The following PAPPA2 variants were observed in gnomAD, a reference collection of about 807,000 sequenced individuals.
PAPPA2 encodes pappalysin-2.
In PAPPA2, 86 loss-of-function variants were observed where a neutral mutation model predicts 176.4. The ratio of observed to expected loss-of-function variants is 0.49; its 90% CI spans 0.41 to 0.58. The LOEUF is 0.58. Among genes scored for constraint, PAPPA2 ranks in the 20% least tolerant of loss-of-function variants. The probability of loss-of-function intolerance (pLI) is 0.00; values close to 1 mark genes in which losing one functional copy is unlikely to be tolerated. For missense variants in PAPPA2, 2,073 were observed against 2,256.9 expected (o/e 0.92, Z 1.65); for synonymous variants, 809 against 852.2 (o/e 0.95, Z 0.88).
intron 3 of PAPPA2, among the ~76,000 whole-genome samples, chr1:176,617,695 T>G (rs1193537726): frequency 2.0e-5 from 3 of 152,164 alleles, no homozygotes; most frequent in African/African-American, 7.2e-5. Context: ...CATTGGCTGA[T>G]GAACATTTAG....
intron 7 of PAPPA2, among the ~76,000 whole-genome samples, chr1:176,697,019 T>G (rs984215739): frequency 6.6e-6 from 1 of 152,178 alleles, no homozygotes; most frequent in Non-Finnish European, 1.5e-5. Flanking sequence ...AACAGAGATT[T>G]GCATTTCATA....
intron 3 of PAPPA2, among the ~76,000 whole-genome samples, chr1:176,666,587 G>A (rs908470417): frequency 2.2e-4 from 33 of 149,492 alleles, no homozygotes; most frequent in African/African-American, 8.0e-4. Flanking sequence ...GTGTGTGTGT[G>A]TGTGTGTGTG....
chr1:176,488,448 G>C (rs916754647), intron 1 of PAPPA2, among the ~76,000 whole-genome samples: 2 of 152,112 alleles, frequency 1.3e-5, no homozygotes, highest in Non-Finnish European at 2.9e-5. Flanking sequence ...GGTGGAGAGG[G>C]TGTACAAGAG....
chr1:176,540,076 C>G (rs958703138), intron 1 of PAPPA2, among the ~76,000 whole-genome samples: 1 of 152,162 alleles, frequency 6.6e-6, no homozygotes, highest in Non-Finnish European at 1.5e-5. Flanking sequence ...TTGCTTCTCT[C>G]TAGGAATTTC....
At chr1:176,544,073 C>T (rs1278618892) in intron 1 of PAPPA2, among the ~76,000 whole-genome samples, 1 of 152,112 alleles carries the variant, frequency 6.6e-6, no homozygotes, top group East Asian at 1.9e-4. Context: ...GAGGGCATTT[C>T]CCTAGTGTGT....
chr1:176,556,409 A>G lies in PAPPA2; in HGVS notation c.87A>G (p.Thr29=), dbSNP rs1210381671. 6.2e-7 allele frequency: 1 copy of G among 1,614,066 alleles called. No individual in the cohort carries two copies. Among genetic ancestry groups the G allele is most frequent in the Non-Finnish European group, 8.5e-7 (1 of 1,180,040 alleles). The stretch of plus-strand genomic sequence containing the variant: ...CTGCCAACTCTGAGCTGGGCTGGAC[A>G]CGCAAGAAATCCTTGGTTGAGAGGG... The part of the protein sequence containing the change: ...LCSANSELGW[T]RKKSLVEREH... The change falls in exon 2 of 23, where the codon ACA becomes ACG. Residue 29 remains threonine, a synonymous_variant. Coordinates refer to ENST00000367662, the MANE Select transcript of PAPPA2 (RefSeq NM_020318.3).
chr1:176,845,369 T>A lies in PAPPA2; in HGVS notation c.*2915T>A, dbSNP rs948111969. 12 of 152,188 alleles carry A rather than the reference T, an allele frequency of 7.9e-5. No individual in the cohort carries two copies. Among genetic ancestry groups the A allele is most frequent in the African/African-American group, 2.9e-4 (12 of 41,452 alleles). The allele number at this position is 152,188 out of a possible 1,614,324, so 9.4% of individuals were successfully genotyped here. On this transcript the variant is annotated 3_prime_UTR_variant, in exon 23 of 23. Coordinates refer to ENST00000367662, the MANE Select transcript of PAPPA2 (RefSeq NM_020318.3). ...AATTAAAGTAAAGGGATTGTGAAAGTAAAGAGCTCTTCCTGATTCTCATCT... is the reference window on the plus strand; with the variant it reads ...AATTAAAGTAAAGGGATTGTGAAAGAAAAGAGCTCTTCCTGATTCTCATCT...
At chr1:176,808,833 G>A (rs1666021513) in intron 21 of PAPPA2, among the ~76,000 whole-genome samples, 2 of 152,116 alleles carry the variant, frequency 1.3e-5, no homozygotes. Flanking sequence ...CAAAAGAAGT[G>A]AGGTTTCCCA....
intron 2 of PAPPA2, among the ~76,000 whole-genome samples, chr1:176,570,120 A>G (rs1184101307): frequency 1.3e-5 from 2 of 152,186 alleles, no homozygotes; most frequent in Non-Finnish European, 2.9e-5. Context: ...CGTTTTGTGC[A>G]CATTATTCCC....
intron 1 of PAPPA2, among the ~76,000 whole-genome samples, chr1:176,517,312 T>C (rs1367644181): frequency 6.6e-6 from 1 of 152,122 alleles, no homozygotes; most frequent in Non-Finnish European, 1.5e-5. Context: ...TTAGCTAAGA[T>C]TCCAAACAGA....
chr1:176,842,539 G>C lies in PAPPA2; in HGVS notation c.*85G>C. 1 of 1,213,508 alleles carries C rather than the reference G, an allele frequency of 8.2e-7. No individual in the cohort carries two copies. The highest frequency in any genetic ancestry group is 1.2e-6 in the Non-Finnish European group (1 of 835,102). 75.2% of individuals were successfully genotyped at this position (1,213,508 alleles called of 1,614,324 possible). A position where few individuals can be genotyped will look rare whatever the true frequency, so the allele number is the denominator to read the frequency against. ...CAGGAGGAAACAAAGGGTGAATGAAGAAGAACAATCATGAAATGGAAGAAG... is the reference window on the plus strand; with the variant it reads ...CAGGAGGAAACAAAGGGTGAATGAACAAGAACAATCATGAAATGGAAGAAG... On this transcript the variant is annotated 3_prime_UTR_variant, in exon 23 of 23. Coordinates refer to ENST00000367662, the MANE Select transcript of PAPPA2 (RefSeq NM_020318.3).
chr1:176,814,712 G>C (rs1270278211), intron 21 of PAPPA2, among the ~76,000 whole-genome samples: 1 of 152,080 alleles, frequency 6.6e-6, no homozygotes, highest in Non-Finnish European at 1.5e-5. Flanking sequence ...CTAGATACAG[G>C]ATCATGTTAT....
intron 14 of PAPPA2, among the ~76,000 whole-genome samples, chr1:176,763,420 G>A (rs1663787924): frequency 6.6e-6 from 1 of 152,192 alleles, no homozygotes; most frequent in South Asian, 2.1e-4. Context: ...GAGCAAGATG[G>A]TTGAATCAGT....
intron 12 of PAPPA2, among the ~76,000 whole-genome samples, chr1:176,731,047 C>T (rs1662116012): frequency 6.6e-6 from 1 of 151,846 alleles, no homozygotes; most frequent in Admixed American, 6.6e-5. Context: ...AAATGTGTGC[C>T]CAGTATCATT....
intron 17 of PAPPA2, among the ~76,000 whole-genome samples, chr1:176,779,000 C>A (rs4652192): frequency 0.15 from 22,998 of 152,074 alleles, 2,262 homozygotes; most frequent in East Asian, 0.25. Flanking sequence ...ATCTTGACTG[C>A]GGGCTACAAG....
Position 176,690,090 on chromosome 1 carries a change from G to C in PAPPA2, c.2138-47G>C, listed in dbSNP as rs749918722. 3.8e-5 allele frequency: 56 copies of C among 1,465,500 alleles called. 1 individual carries two copies. The highest frequency in any genetic ancestry group is 4.9e-5 in the Non-Finnish European group (52 of 1,069,020). 90.8% of individuals were successfully genotyped at this position (1,465,500 alleles called of 1,614,324 possible). ...AGAAAACATAATTAAGGATTGGAGA[G>C]CTATTCATTCTGTGCTCTGAAAGGC... On this transcript the variant is annotated intron_variant, in intron 4 of 22. Transcript: ENST00000367662.
chr1:176,827,767 G>A (rs989061747), intron 21 of PAPPA2, among the ~76,000 whole-genome samples: 7 of 152,140 alleles, frequency 4.6e-5, no homozygotes, highest in South Asian at 4.1e-4. Flanking sequence ...CACTAAACAC[G>A]TATTGATCAA....
At chr1:176,777,447 A>G (rs1475911624) in intron 17 of PAPPA2, among the ~76,000 whole-genome samples, 2 of 152,130 alleles carry the variant, frequency 1.3e-5, no homozygotes, top group East Asian at 3.9e-4. Context: ...GAATATTGGG[A>G]AAATTTTTTT....
At chr1:176,647,474 A>G (rs1004499034) in intron 3 of PAPPA2, among the ~76,000 whole-genome samples, 1 of 151,552 alleles carries the variant, frequency 6.6e-6, no homozygotes, top group Non-Finnish European at 1.5e-5. Flanking sequence ...GTGTGACTCA[A>G]GAAATCTTAG....
Sources: allele counts gnomAD v4.1 joint callset (sites outside exome capture counted in the v4.1 genomes callset), GRCh38; gene constraint gnomAD v4.1.1; transcripts MANE v1.5; gene names NCBI Gene and HGNC (gene_info 2026-07-23, HGNC 2026-07-21).